SLC14A2: variants seen among roughly 807,000 people sequenced by gnomAD.
SLC14A2 encodes the protein solute carrier family 14 member 2.
Under a neutral mutation model 104.6 loss-of-function variants are expected in SLC14A2, and 91 were observed. That is an observed-to-expected ratio of 0.87 (90% CI 0.73 to 1.04). The LOEUF (loss-of-function observed/expected upper bound fraction) is 1.04. Among genes scored for constraint, SLC14A2 ranks in the 50% least tolerant of loss-of-function variants. SLC14A2 has a pLI of 0.00. For synonymous variants in SLC14A2, 476 were observed against 466.4 expected (o/e 1.02, Z -0.27); for missense variants, 1,189 against 1,156.0 (o/e 1.03, Z -0.41).
intron 2 of SLC14A2, among the ~76,000 whole-genome samples, chr18:45,504,782 G>A (rs1248605517): frequency 6.6e-6 from 1 of 152,164 alleles, no homozygotes; most frequent in Non-Finnish European, 1.5e-5. Flanking sequence ...ACACAAATGA[G>A]GATTCAGTTC....
chr18:45,619,678 GAACGGGCTGAGGCCCTCAGCCCGGA>G (rs2144486521), intron 1 of SLC14A2, among the ~76,000 whole-genome samples: 1 of 152,284 alleles, frequency 6.6e-6, no homozygotes, highest in African/African-American at 2.4e-5. Flanking sequence ...GCTGAGCTGG[GAACGGGCTGAGGCCCTCAGCCCGGA>G]CGTGGCTCGG....
In SLC14A2 at chr18:45,409,563, C is replaced by T. The variant is rs993546904; in HGVS notation, c.-124-73670C>T. On this transcript the variant is annotated intron_variant, in intron 1 of 20. Transcript: ENST00000586448. The stretch of plus-strand genomic sequence containing the variant: ...TGATAGTGAAAATAAAACAGAAAAC[C>T]GTAAAGTTTCACAAGACGACATTTC... 3.3e-5 allele frequency among the ~76,000 whole-genome samples: 5 copies of T among 152,048 alleles called. No individual in the cohort carries two copies. The East Asian group carries it at 5.8e-4, about 18-fold the overall frequency.
chr18:45,397,937 A>AT (rs1476322302), intron 1 of SLC14A2, among the ~76,000 whole-genome samples: 3 of 30,482 alleles, frequency 9.8e-5, no homozygotes, highest in Admixed American at 4.9e-4. Flanking sequence ...TGATTATGAT[A>AT]TAAATAAATA....
At chr18:45,176,517 A>G in the SLC14A2 span, among the ~76,000 whole-genome samples, 1 of 152,114 alleles carries the variant, frequency 6.6e-6, no homozygotes. Context: ...CCCAACTAAT[A>G]CTTCCATTTC....
At chr18:45,297,046 C>A (rs1353723521) in intron 1 of SLC14A2, among the ~76,000 whole-genome samples, 1 of 151,858 alleles carries the variant, frequency 6.6e-6, no homozygotes, top group East Asian at 1.9e-4. Flanking sequence ...TGGAAGAAAA[C>A]AATAAAAGTA....
intron 1 of SLC14A2, among the ~76,000 whole-genome samples, chr18:45,411,730 G>A (rs111392711): frequency 5.3e-5 from 8 of 152,284 alleles, no homozygotes; most frequent in African/African-American, 1.9e-4. Context: ...GGGAAGAACA[G>A]TGAATGTCAG....
At chr18:45,574,232 G>A (rs1234179880) in intron 2 of SLC14A2, among the ~76,000 whole-genome samples, 1 of 152,196 alleles carries the variant, frequency 6.6e-6, no homozygotes, top group Non-Finnish European at 1.5e-5. Flanking sequence ...ATGCATGTGT[G>A]TGTAATGTAG....
the SLC14A2 span, among the ~76,000 whole-genome samples, chr18:45,185,070 A>G: frequency 2.0e-5 from 3 of 152,186 alleles, no homozygotes; most frequent in Non-Finnish European, 2.9e-5. Context: ...TGCATCAATG[A>G]GTGGAGAGCC....
In SLC14A2 at chr18:45,593,714, C is replaced by A. The variant is rs992783808; in HGVS notation, c.-34-30917C>A. Among the ~76,000 whole-genome samples the A allele has an allele frequency of 3.9e-5, 6 of 152,144 alleles. 1 individual carries two copies. Among genetic ancestry groups the A allele is most frequent in the Admixed American group, 6.5e-5 (1 of 15,288 alleles). ...CCGTGTTAGCCAGAATGGTCTCGAT[C>A]TCCTGACCTCTTGATCCGTCCACCT... On this transcript the variant is annotated intron_variant, in intron 2 of 20. Coordinates refer to the SLC14A2 transcript ENST00000586448.
chr18:45,451,887 C>T (rs1376075050), intron 1 of SLC14A2, among the ~76,000 whole-genome samples: 2 of 152,098 alleles, frequency 1.3e-5, no homozygotes, highest in Admixed American at 1.3e-4. Flanking sequence ...TGATTGCTTC[C>T]CAATTTATCT....
chr18:45,316,541 G>A (rs931262765), intron 1 of SLC14A2, among the ~76,000 whole-genome samples: 2 of 152,182 alleles, frequency 1.3e-5, no homozygotes, highest in Admixed American at 6.5e-5. Context: ...ACTGACTTTT[G>A]AGGGCATCTG....
intron 2 of SLC14A2, among the ~76,000 whole-genome samples, chr18:45,509,980 G>A (rs1316557631): frequency 2.0e-5 from 3 of 152,132 alleles, no homozygotes; most frequent in Non-Finnish European, 2.9e-5. Context: ...GAGTGGAGGG[G>A]TTGCCCATAA....
At chr18:45,548,376 C>T (rs887922614) in intron 2 of SLC14A2, among the ~76,000 whole-genome samples, 4 of 152,080 alleles carry the variant, frequency 2.6e-5, no homozygotes, top group East Asian at 3.9e-4. Context: ...ATTTTTGATT[C>T]GGGGAAAAGA....
intron 1 of SLC14A2, among the ~76,000 whole-genome samples, chr18:45,480,094 A>G (rs971279620): frequency 2.6e-5 from 4 of 152,182 alleles, no homozygotes; most frequent in Admixed American, 6.5e-5. Flanking sequence ...GAAGCAACCC[A>G]TAAGTGCCCC....
chr18:45,578,143 C>G (rs2044439666), intron 2 of SLC14A2, among the ~76,000 whole-genome samples: 1 of 152,160 alleles, frequency 6.6e-6, no homozygotes, highest in Admixed American at 6.5e-5. Flanking sequence ...TTTAACCATT[C>G]AAGTCCTGTC....
chr18:45,616,652 T>A (rs1229413614), intron 1 of SLC14A2, among the ~76,000 whole-genome samples: 5 of 152,168 alleles, frequency 3.3e-5, no homozygotes, highest in Admixed American at 6.5e-5. Context: ...AGGGAGATAA[T>A]GGGCTGATCC....
rs567464352 is a variant in SLC14A2 at position 45,243,788 on chromosome 18, C to G, written c.-125+30597C>G. Among the ~76,000 whole-genome samples, 4 of 152,280 alleles carry G rather than the reference C, an allele frequency of 2.6e-5. No homozygotes were observed. In the South Asian group the frequency reaches 8.3e-4, roughly 32 times the overall value. The stretch of plus-strand genomic sequence containing the variant: ...TAGCTGGGCCTTGCACATCACAGTT[C>G]TGTTGGCATCTGAATATACGTTCAT... On this transcript the variant is annotated intron_variant, in intron 1 of 20. Transcript: ENST00000586448.
intron 1 of SLC14A2, among the ~76,000 whole-genome samples, chr18:45,261,557 T>C (rs1599622893): frequency 6.7e-6 from 1 of 148,700 alleles, no homozygotes; most frequent in East Asian, 2.1e-4. Context: ...ATCCCTCCCC[T>C]CTCCCCCAAC....
intron 1 of SLC14A2, among the ~76,000 whole-genome samples, chr18:45,360,946 T>C (rs150665113): frequency 2.2e-4 from 34 of 152,314 alleles, no homozygotes; most frequent in African/African-American, 8.2e-4. Context: ...CCACCCCTAA[T>C]GTATTCACTT....
Sources: gnomAD v4.1 joint callset for allele counts (sites outside exome capture counted in the v4.1 genomes callset) on GRCh38, gnomAD v4.1.1 for gene constraint, MANE v1.5 for transcripts, NCBI Gene and HGNC (gene_info 2026-07-23, HGNC 2026-07-21) for gene names.